The following TENM2 variants were observed in gnomAD, a reference collection of about 807,000 sequenced individuals.
TENM2 encodes the protein teneurin transmembrane protein 2.
In TENM2, 52 loss-of-function variants were observed where a neutral mutation model predicts 245.2. The ratio of observed to expected loss-of-function variants is 0.21; its 90% CI spans 0.17 to 0.27. The LOEUF (loss-of-function observed/expected upper bound fraction) is 0.27. TENM2 is among the 10% of genes least tolerant of loss of function. The probability of loss-of-function intolerance (pLI) is 1.00; values close to 1 mark genes in which losing one functional copy is unlikely to be tolerated. For synonymous variants in TENM2, 1,363 were observed against 1,438.9 expected, an observed-to-expected ratio of 0.95 and a Z score of 1.19; for missense variants, 3,046 against 3,666.8, an observed-to-expected ratio of 0.83 and a Z score of 4.37.
intron 27 of TENM2, among the ~76,000 whole-genome samples, chr5:168,254,033 A>T (rs139771530): frequency 6.6e-6 from 1 of 152,340 alleles, no homozygotes; most frequent in Non-Finnish European, 1.5e-5. Context: ...TGTAAAGTTT[A>T]ATTTACCTAA....
chr5:168,227,302 G>GTATT (rs1269239596), intron 24 of TENM2, among the ~76,000 whole-genome samples: 4 of 152,200 alleles, frequency 2.6e-5, no homozygotes, highest in Non-Finnish European at 5.9e-5. Context: ...GCTCCCTGAT[G>GTATT]TATTTGAGTC....
chr5:167,989,155 T>C (rs1320640193), intron 4 of TENM2, among the ~76,000 whole-genome samples: 1 of 151,688 alleles, frequency 6.6e-6, no homozygotes, highest in Non-Finnish European at 1.5e-5. Context: ...ATAGACACAT[T>C]TAAAATAATT....
At chr5:168,002,078 A>T (rs899068913) in intron 5 of TENM2, among the ~76,000 whole-genome samples, 14 of 152,216 alleles carry the variant, frequency 9.2e-5, no homozygotes, top group Non-Finnish European at 7.3e-5. Flanking sequence ...AAGATATGTA[A>T]TATGTGTCAT....
At chr5:167,163,292 A>G in the TENM2 span, among the ~76,000 whole-genome samples, 1 of 152,014 alleles carries the variant, frequency 6.6e-6, no homozygotes, top group Non-Finnish European at 1.5e-5. Flanking sequence ...GGGTCTTGTG[A>G]TGTTGCTCAG....
chr5:167,880,042 G>A (rs947079921), intron 3 of TENM2, among the ~76,000 whole-genome samples: 2 of 151,856 alleles, frequency 1.3e-5, no homozygotes, highest in Admixed American at 6.6e-5. Context: ...TATAAAAATC[G>A]TTACTTTTTT....
At chr5:167,782,959 G>A (rs1764298693) in intron 2 of TENM2, among the ~76,000 whole-genome samples, 1 of 152,168 alleles carries the variant, frequency 6.6e-6, no homozygotes, top group Non-Finnish European at 1.5e-5. Flanking sequence ...AGAAGCAGTG[G>A]CTTTCCTCAG....
intron 2 of TENM2, among the ~76,000 whole-genome samples, chr5:167,741,769 G>T (rs900187510): frequency 6.6e-6 from 1 of 152,056 alleles, no homozygotes; most frequent in African/African-American, 2.4e-5. Context: ...CCTCACTGAC[G>T]CTTCACCATC....
chr5:167,333,180 A>G (rs1757555737), intron 1 of TENM2, among the ~76,000 whole-genome samples: 1 of 152,224 alleles, frequency 6.6e-6, no homozygotes, highest in Admixed American at 6.5e-5. Context: ...TTTCCATAAC[A>G]GGAAAACTAG....
intron 2 of TENM2, among the ~76,000 whole-genome samples, chr5:167,399,018 C>G (rs1230854615): frequency 1.3e-5 from 2 of 152,098 alleles, no homozygotes; most frequent in African/African-American, 4.8e-5. Flanking sequence ...ATGTAAATCC[C>G]TGCTCTTGAA....
the TENM2 span, among the ~76,000 whole-genome samples, chr5:167,125,361 G>A: frequency 6.6e-6 from 1 of 152,228 alleles, no homozygotes; most frequent in African/African-American, 2.4e-5. Context: ...AAAGTGCAGG[G>A]TGCATCATGG....
At chr5:166,985,383 C>T in the TENM2 span, among the ~76,000 whole-genome samples, 1 of 152,180 alleles carries the variant, frequency 6.6e-6, no homozygotes, top group African/African-American at 2.4e-5. Context: ...CATTTTCCTA[C>T]AGTAATGATT....
rs143183429 is a variant in TENM2 at position 167,998,815 on chromosome 5, G to A, written c.1186+5633G>A. ...ACTCTGACTTTGATCTGGAAAGAAC[G>A]CGGGCCATCAACATGTCAGGATGTT... On this transcript the variant is annotated intron_variant, in intron 5 of 28. Transcript: ENST00000518659. Among the ~76,000 whole-genome samples the A allele has an allele frequency of 3.0e-3, 453 of 152,254 alleles. 4 individuals carry two copies. The East Asian group carries it at 0.045, about 15-fold the overall frequency.
chr5:167,446,445 T>C (rs754506572), intron 2 of TENM2, among the ~76,000 whole-genome samples: 1 of 152,294 alleles, frequency 6.6e-6, no homozygotes, highest in Non-Finnish European at 1.5e-5. Flanking sequence ...GTTTGGAAAG[T>C]TTATCATCTA....
intron 2 of TENM2, among the ~76,000 whole-genome samples, chr5:167,833,042 A>C (rs929669365): frequency 6.6e-6 from 1 of 152,156 alleles, no homozygotes; most frequent in Admixed American, 6.5e-5. Flanking sequence ...AAAAGGGTAC[A>C]TGGTACCGTT....
intron 2 of TENM2, among the ~76,000 whole-genome samples, chr5:167,872,379 AAAG>A (rs1772947808): frequency 6.7e-6 from 1 of 148,570 alleles, no homozygotes; most frequent in South Asian, 2.1e-4. Flanking sequence ...GAAGGAAGGA[AAAG>A]AAAGAAGGAA....
chr5:167,016,857 G>A, the TENM2 span, among the ~76,000 whole-genome samples: 1 of 152,114 alleles, frequency 6.6e-6, no homozygotes, highest in African/African-American at 2.4e-5. Flanking sequence ...CATGCTTTGT[G>A]GTAGAAAGGG....
At chr5:167,459,860 TA>T (rs1766171261) in intron 2 of TENM2, among the ~76,000 whole-genome samples, 1 of 151,766 alleles carries the variant, frequency 6.6e-6, no homozygotes, top group Non-Finnish European at 1.5e-5. Context: ...AAATCTCTCA[TA>T]AACTAGATAG....
At chr5:167,733,816 T>G (rs1461988264) in intron 2 of TENM2, among the ~76,000 whole-genome samples, 2 of 152,180 alleles carry the variant, frequency 1.3e-5, no homozygotes, top group Non-Finnish European at 2.9e-5. Context: ...TGTATCTTAA[T>G]GGAAGCGGCT....
chr5:167,581,473 G>A (rs1482748002), intron 2 of TENM2, among the ~76,000 whole-genome samples: 1 of 152,170 alleles, frequency 6.6e-6, no homozygotes, highest in African/African-American at 2.4e-5. Flanking sequence ...CAGTAATATA[G>A]TACATAAACT....
Sources: gnomAD v4.1 joint callset for allele counts (sites outside exome capture counted in the v4.1 genomes callset) on GRCh38, gnomAD v4.1.1 for gene constraint, MANE v1.5 for transcripts, NCBI Gene and HGNC (gene_info 2026-07-23, HGNC 2026-07-21) for gene names.